ECSIT: variants seen among roughly 807,000 people sequenced by gnomAD.
ECSIT encodes the protein ECSIT signaling integrator.
In ECSIT, 29 loss-of-function variants were observed where a neutral mutation model predicts 36.8. The observed-to-expected ratio is 0.79, with a 90% CI of 0.59 to 1.08. ECSIT has a LOEUF of 1.08. Ranked by LOEUF, ECSIT falls within the 50% of genes least tolerant of loss-of-function variation. ECSIT has a pLI of 0.00. For missense variants in ECSIT, 542 were observed against 581.0 expected (o/e 0.93, Z 0.69); for synonymous variants, 231 against 234.8 (o/e 0.98, Z 0.15).
rs978797544 is a variant in ECSIT at position 11,510,297 on chromosome 19, T to G, written c.739-2249A>C. ...TTCAAGCCACCCTCCTGCCTCAGCC[T>G]CCTGAGTAGCTGGGGCTACAGGTGT... On this transcript the variant is annotated intron_variant, in intron 4 of 7. Transcript: ENST00000270517. Among the ~76,000 whole-genome samples, 2 of 152,084 alleles carry G rather than the reference T, an allele frequency of 1.3e-5. 1 individual carries two copies. The highest frequency in any genetic ancestry group is 4.1e-4 in the South Asian group (2 of 4,828).
chr19:11,525,144 A>G (rs1021298669), intron 1 of ECSIT, among the ~76,000 whole-genome samples: 4 of 152,116 alleles, frequency 2.6e-5, no homozygotes, highest in African/African-American at 9.7e-5. Context: ...CTCAAAAAAA[A>G]TAAATAAATA....
chr19:11,519,812 A>G lies in ECSIT; in HGVS notation c.-23-619T>C, dbSNP rs1188209090. On this transcript the variant is annotated intron_variant, in intron 1 of 7. Coordinates refer to ENST00000270517, the MANE Select transcript of ECSIT (RefSeq NM_016581.5). This position sits in a 1 kb window ranked among gnomAD's most constrained non-coding sequence, Gnocchi z 4.4. ...GAGAAACCCCATCGCTACTAAAAAT[A>G]CAAAAAATTAGCCGAGCATGGTGGC... 1 of 152,680 alleles carries G rather than the reference A, an allele frequency of 6.5e-6. No homozygotes were observed. The highest frequency in any genetic ancestry group is 2.4e-5 in the African/African-American group (1 of 41,394). The allele number at this position is 152,680 out of a possible 1,614,324, so 9.5% of individuals were successfully genotyped here. A position where few individuals can be genotyped will look rare whatever the true frequency, so the allele number is the denominator to read the frequency against.
intron 2 of ECSIT, among the ~76,000 whole-genome samples, chr19:11,514,465 G>A (rs17001450): frequency 0.12 from 17,831 of 151,982 alleles, 1,562 homozygotes; most frequent in African/African-American, 0.25. Flanking sequence ...CTGCCACGGA[G>A]GCAACTTGGT....
intron 2 of ECSIT, among the ~76,000 whole-genome samples, chr19:11,517,652 G>T (rs6511735): frequency 6.6e-6 from 1 of 151,950 alleles, no homozygotes; most frequent in East Asian, 1.9e-4. Flanking sequence ...GTGTAGTATT[G>T]TACCACTTTG....
At chr19:11,527,225 G>A (rs1972233877) in intron 1 of ECSIT, among the ~76,000 whole-genome samples, 1 of 152,200 alleles carries the variant, frequency 6.6e-6, no homozygotes, top group Admixed American at 6.5e-5. Flanking sequence ...GGGAGCCTGA[G>A]GCAGGAGAAT....
Position 11,519,121 on chromosome 19 carries a change from CAGGCCCTACAG to C in ECSIT, c.39_49del (p.Cys14GlyfsTer32). On this transcript the variant is annotated frameshift_variant, in exon 2 of 8. Transcript: ENST00000270517. LOFTEE classifies it high-confidence loss of function. This position sits in a 1 kb window ranked among gnomAD's most constrained non-coding sequence, Gnocchi z 4.4. ...GAGGGCGGCCCCGCAGGTGCCTCCC[CAGGCCCTACAG>C]AGGCCTCGGGCCAGTAGGGTGGCCT... The C allele has an allele frequency of 6.4e-7, 1 of 1,551,076 alleles. No individual in the cohort carries two copies. Among genetic ancestry groups the C allele is most frequent in the Non-Finnish European group, 8.7e-7 (1 of 1,146,980 alleles).
chr19:11,522,914 C>CA (rs889205420), intron 1 of ECSIT, among the ~76,000 whole-genome samples: 26 of 149,148 alleles, frequency 1.7e-4, no homozygotes, highest in Admixed American at 8.7e-4. Flanking sequence ...ACTAAAAATA[C>CA]AAAAAAAATA....
In ECSIT at chr19:11,507,691, T is replaced by A; in HGVS notation, c.945+11A>T. 1 of 1,614,048 alleles carries A rather than the reference T, an allele frequency of 6.2e-7. No individual in the cohort carries two copies. The highest frequency in any genetic ancestry group is 1.3e-5 in the African/African-American group (1 of 75,040). ...CCCAGCCCCAACACATGCTTTGCTT[T>A]AAGCCCTCACCCTCTCCTCCGGGGG... is the stretch of plus-strand genomic sequence containing the variant. On this transcript the variant is annotated intron_variant, in intron 6 of 7. Coordinates refer to ENST00000270517, the MANE Select transcript of ECSIT (RefSeq NM_016581.5).
intron 1 of ECSIT, chr19:11,522,434 AC>A: frequency 1.4e-6 from 2 of 1,453,898 alleles, no homozygotes; most frequent in Non-Finnish European, 1.9e-6. Context: ...CCGCTGCCCC[AC>A]CAGGTCCTGC....
At position 11,513,062 on chromosome 19, in the gene ECSIT, GA is replaced by G; in HGVS notation, c.731del (p.Ile244ThrfsTer22). ...TGTAGACAAGGGCGGATACCTGGTA[GA>G]TGGTGACCCTGGCACTAAGGTCAGG... ...MEPDLSARVT[I>X]YQVPLPKDST... On this transcript the variant is annotated frameshift_variant, in exon 4 of 8. Coordinates refer to ENST00000270517, the MANE Select transcript of ECSIT (RefSeq NM_016581.5). LOFTEE classifies it high-confidence loss of function. 6.2e-7 allele frequency: 1 copy of G among 1,613,986 alleles called. No individual in the cohort carries two copies. Among genetic ancestry groups the G allele is most frequent in the Non-Finnish European group, 8.5e-7 (1 of 1,180,014 alleles).
intron 1 of ECSIT, 170 bp downstream of exon 1, chr19:11,528,892 G>A (rs1972270009): frequency 6.6e-6 from 1 of 152,250 alleles, no homozygotes. Context: ...TGAGGCGGCT[G>A]GCACAAGACA....
At chr19:11,523,109 C>T (rs1456455309) in intron 1 of ECSIT, among the ~76,000 whole-genome samples, 2 of 152,098 alleles carry the variant, frequency 1.3e-5, no homozygotes, top group South Asian at 4.1e-4. Flanking sequence ...TCTACCTCCT[C>T]CACCACCTCT....
chr19:11,525,444 T>A (rs756386827), intron 1 of ECSIT, among the ~76,000 whole-genome samples: 5 of 149,960 alleles, frequency 3.3e-5, no homozygotes, highest in Non-Finnish European at 7.4e-5. Context: ...GCCTGGGAGG[T>A]CCAAGCTACA....
chr19:11,509,378 A>ATTTT (rs564948574), intron 4 of ECSIT, among the ~76,000 whole-genome samples: 15 of 146,264 alleles, frequency 1.0e-4, no homozygotes, highest in Admixed American at 4.0e-4. Flanking sequence ...CCGCTGACAA[A>ATTTT]GTTTTTTTTT....
Position 11,506,414 on chromosome 19 carries a change from C to T in ECSIT, c.1066G>A (p.Val356Ile). 1 of 1,612,156 alleles carries T rather than the reference C, an allele frequency of 6.2e-7. No individual in the cohort carries two copies. Among genetic ancestry groups the T allele is most frequent in the Non-Finnish European group, 8.5e-7 (1 of 1,178,814 alleles). Residue 356 changes from valine to isoleucine, a missense_variant, in exon 8 of 8, where the codon GTC (valine) becomes ATC (isoleucine). Physicochemically the swap from Val to Ile is conservative, Grantham distance 29. Transcript: ENST00000270517. The part of the protein sequence containing the change: ...FDINEVEEGP[V>I]FAMCMAGAHD... ...GCACCCGCCATGCACATGGCGAAGA[C>T]AGGGCCTTCCTCCACTGTTGGAAGA...
At chr19:11,513,678 G>A in intron 3 of ECSIT, 126 bp downstream of exon 3, 1 of 1,177,672 alleles carries the variant, frequency 8.5e-7, no homozygotes, top group Non-Finnish European at 1.2e-6. Flanking sequence ...GAGGGATTCG[G>A]AGAGGGAGAA....
chr19:11,513,018 C>T, intron 4 of ECSIT, 38 bp downstream of exon 4: 2 of 1,602,238 alleles, frequency 1.2e-6, no homozygotes, highest in Non-Finnish European at 1.7e-6. Context: ...GGAGCCTGGC[C>T]TGGGGTGGCA....
intron 1 of ECSIT, among the ~76,000 whole-genome samples, chr19:11,524,647 A>G (rs1052709796): frequency 6.7e-6 from 1 of 150,248 alleles, no homozygotes; most frequent in Non-Finnish European, 1.5e-5. Context: ...AACAGCAAAA[A>G]GAAAAAAAAA....
chr19:11,514,820 G>A (rs1459711150), intron 2 of ECSIT, among the ~76,000 whole-genome samples: 2 of 151,548 alleles, frequency 1.3e-5, no homozygotes, highest in Non-Finnish European at 2.9e-5. Flanking sequence ...ACTGTGCCTG[G>A]TGGCCCTTTT....
Sources: gnomAD v4.1 joint callset for allele counts (sites outside exome capture counted in the v4.1 genomes callset) on GRCh38, gnomAD v4.1.1 for gene constraint, Gnocchi (gnomAD v3.1) non-coding constraint, MANE v1.5 for transcripts, NCBI Gene and HGNC (gene_info 2026-07-23, HGNC 2026-07-21) for gene names.